ZNF804A: variants seen among roughly 807,000 people sequenced by gnomAD.
ZNF804A encodes zinc finger protein 804A.
ZNF804A carries 2 observed loss-of-function variants against 16.5 expected under a neutral mutation model. That is an observed-to-expected ratio of 0.12 (90% CI 0.05 to 0.38). ZNF804A has a LOEUF of 0.38. Among genes scored for constraint, ZNF804A ranks in the 10% least tolerant of loss-of-function variants. The pLI, the probability that ZNF804A is intolerant of heterozygous loss-of-function variation, is 0.99. For missense variants in ZNF804A, 1,473 were observed against 1,390.7 expected (o/e 1.06, Z -0.94); for synonymous variants, 534 against 489.6 (o/e 1.09, Z -1.20).
chr2:184,859,306 T>C (rs1338591598), intron 1 of ZNF804A, among the ~76,000 whole-genome samples: 1 of 152,100 alleles, frequency 6.6e-6, no homozygotes, highest in African/African-American at 2.4e-5. Flanking sequence ...TTTAATTATT[T>C]CTCCTCTGAC....
chr2:184,922,420 A>G (rs1012765722), intron 2 of ZNF804A, among the ~76,000 whole-genome samples: 1 of 151,730 alleles, frequency 6.6e-6, no homozygotes, highest in Non-Finnish European at 1.5e-5. Flanking sequence ...CTATTTAGAT[A>G]TTTTGCCTAT....
At chr2:184,677,454 T>C (rs1692457531) in intron 1 of ZNF804A, among the ~76,000 whole-genome samples, 1 of 151,954 alleles carries the variant, frequency 6.6e-6, no homozygotes, top group East Asian at 1.9e-4. Flanking sequence ...CAGTACACGG[T>C]CATCTGAGAT....
intron 1 of ZNF804A, among the ~76,000 whole-genome samples, chr2:184,832,429 G>C (rs1175774540): frequency 1.3e-5 from 2 of 151,800 alleles, no homozygotes; most frequent in Non-Finnish European, 2.9e-5. Context: ...ACTCTTTTTT[G>C]GTTATAAGGT....
intron 1 of ZNF804A, among the ~76,000 whole-genome samples, chr2:184,853,524 C>T (rs1478720520): frequency 6.6e-6 from 1 of 151,714 alleles, no homozygotes; most frequent in African/African-American, 2.4e-5. Flanking sequence ...ATGATGTTAG[C>T]TTTGAGTTTG....
chr2:184,832,435 A>G (rs890275306), intron 1 of ZNF804A, among the ~76,000 whole-genome samples: 8 of 152,036 alleles, frequency 5.3e-5, no homozygotes, highest in Non-Finnish European at 1.0e-4. Flanking sequence ...TTTTGGTTAT[A>G]AGGTGTCACA....
chr2:184,818,836 G>T (rs1362938370), intron 1 of ZNF804A, among the ~76,000 whole-genome samples: 1 of 151,986 alleles, frequency 6.6e-6, no homozygotes, highest in Non-Finnish European at 1.5e-5. Flanking sequence ...AAATGGTAAG[G>T]GGTTCAGTTC....
chr2:184,665,279 A>G (rs1339748645), intron 1 of ZNF804A, among the ~76,000 whole-genome samples: 3 of 152,148 alleles, frequency 2.0e-5, no homozygotes, highest in Non-Finnish European at 4.4e-5. Flanking sequence ...TTTATGTGAT[A>G]TTTTGTGATC....
At chr2:184,684,143 C>A (rs527819787) in intron 1 of ZNF804A, among the ~76,000 whole-genome samples, 102 of 152,264 alleles carry the variant, frequency 6.7e-4, no homozygotes, top group African/African-American at 2.4e-3. Flanking sequence ...ACTTTACAAC[C>A]ACCCTTGCCT....
intron 1 of ZNF804A, among the ~76,000 whole-genome samples, chr2:184,773,997 G>C (rs948799616): frequency 1.3e-5 from 2 of 151,788 alleles, no homozygotes; most frequent in African/African-American, 4.8e-5. Flanking sequence ...ATCGAGAGCT[G>C]TGTCAGTAAA....
At chr2:184,620,881 A>G (rs1404299061) in intron 1 of ZNF804A, among the ~76,000 whole-genome samples, 2 of 151,758 alleles carry the variant, frequency 1.3e-5, no homozygotes, top group African/African-American at 4.8e-5. Context: ...GAATGGTATC[A>G]TAAATGGTAG....
chr2:184,641,003 G>A (rs1161010477), intron 1 of ZNF804A, among the ~76,000 whole-genome samples: 1 of 152,080 alleles, frequency 6.6e-6, no homozygotes, highest in Non-Finnish European at 1.5e-5. Context: ...CGCTCAGGCT[G>A]GAGTGCGGTG....
rs188977587 is a variant in ZNF804A at position 184,666,225 on chromosome 2, G to A, written c.111+67155G>A. Among the ~76,000 whole-genome samples, 348 of 152,128 alleles carry A rather than the reference G, an allele frequency of 2.3e-3. 1 individual carries two copies. Among genetic ancestry groups the A allele is most frequent in the African/African-American group, 7.7e-3 (319 of 41,520 alleles). On this transcript the variant is annotated intron_variant, in intron 1 of 3. Coordinates refer to ENST00000302277, the MANE Select transcript of ZNF804A (RefSeq NM_194250.2). ...ATATAAGAAAACTTAATTGAATGCA[G>A]TGTACTTTTTTATAGATTTTAATAT... is the stretch of plus-strand genomic sequence containing the variant.
chr2:184,670,960 A>G (rs1395246762), intron 1 of ZNF804A, among the ~76,000 whole-genome samples: 1 of 152,134 alleles, frequency 6.6e-6, no homozygotes, highest in Admixed American at 6.6e-5. Flanking sequence ...TAACCAGGTT[A>G]TAGCATCTAC....
chr2:184,831,737 A>T (rs538421867), intron 1 of ZNF804A, among the ~76,000 whole-genome samples: 1 of 106,676 alleles, frequency 9.4e-6, no homozygotes, highest in South Asian at 2.6e-4. Context: ...GGCCTCACTT[A>T]AAAAAAAAAA....
In ZNF804A at chr2:184,736,241, A is replaced by G. The variant is rs141321946; in HGVS notation, c.112-130128A>G. On this transcript the variant is annotated intron_variant, in intron 1 of 3. Coordinates refer to ENST00000302277, the MANE Select transcript of ZNF804A (RefSeq NM_194250.2). ...GTGATCCTGACCTTACCAATTTCTT[A>G]GGCTAGCAGTAGGGAGACAATTTTG... is the stretch of plus-strand genomic sequence containing the variant. Among the ~76,000 whole-genome samples, 1,382 of 152,276 alleles carry G rather than the reference A, an allele frequency of 9.1e-3. 23 individuals carry two copies. The highest frequency in any genetic ancestry group is 0.032 in the African/African-American group (1,321 of 41,544).
rs966837629 is a variant in ZNF804A at position 184,884,505 on chromosome 2, TA to T, written c.255+18003del. Among the ~76,000 whole-genome samples, 1,331 of 148,810 alleles carry T rather than the reference TA, an allele frequency of 8.9e-3. 15 individuals carry two copies. Among genetic ancestry groups the T allele is most frequent in the African/African-American group, 0.028 (1,148 of 40,702 alleles). On this transcript the variant is annotated intron_variant, in intron 2 of 3. Transcript: ENST00000302277. ...CCCAAATAGCCAAGGCAACCCTACT[TA>T]AAAAAAAAATCAAAGCTGGAGACAT... is the stretch of plus-strand genomic sequence containing the variant.
intron 2 of ZNF804A, among the ~76,000 whole-genome samples, chr2:184,912,596 A>G (rs1213470158): frequency 2.0e-5 from 3 of 152,024 alleles, no homozygotes; most frequent in Non-Finnish European, 2.9e-5. Context: ...ATTTCTCTAC[A>G]TCCTTGCCAA....
At chr2:184,865,103 C>A (rs892132879) in intron 1 of ZNF804A, among the ~76,000 whole-genome samples, 1 of 151,958 alleles carries the variant, frequency 6.6e-6, no homozygotes, top group African/African-American at 2.4e-5. Context: ...TGGTCTTGAA[C>A]TCTTGACCTC....
intron 1 of ZNF804A, among the ~76,000 whole-genome samples, chr2:184,618,313 CA>C (rs1293108870): frequency 6.6e-6 from 1 of 151,712 alleles, no homozygotes; most frequent in Non-Finnish European, 1.5e-5. Flanking sequence ...ATTAACTTAC[CA>C]AAAAAGTTTT....
Sources: allele counts gnomAD v4.1 joint callset (sites outside exome capture counted in the v4.1 genomes callset), GRCh38; gene constraint gnomAD v4.1.1; transcripts MANE v1.5; gene names NCBI Gene and HGNC (gene_info 2026-07-23, HGNC 2026-07-21).